Variants in CPLX4 observed in about 807,000 individuals in gnomAD.
CPLX4 encodes the protein complexin 4, also known as complexin-4.
A neutral mutation model predicts 16.1 loss-of-function variants in CPLX4; 17 were observed. The ratio of observed to expected loss-of-function variants is 1.06; its 90% CI spans 0.72 to 1.59. The LOEUF (loss-of-function observed/expected upper bound fraction) is 1.59. CPLX4 is among the 40% of genes most tolerant of loss of function. The pLI, the probability that CPLX4 is intolerant of heterozygous loss-of-function variation, is 0.00. For missense variants in CPLX4, 193 were observed against 192.9 expected (o/e 1.00, Z 0.00); for synonymous variants, 55 against 57.8 (o/e 0.95, Z 0.22).
chr18:59,311,293 A>G (rs149748194), intron 2 of CPLX4, among the ~76,000 whole-genome samples: 20 of 152,286 alleles, frequency 1.3e-4, no homozygotes, highest in Non-Finnish European at 2.6e-4. Context: ...TTCCAAGTTC[A>G]TTGGTTGTGA....
At chr18:59,296,975 CACTA>C (rs760726865) in intron 2 of CPLX4, 50 bp from the exon 3 acceptor site, 14 of 1,565,614 alleles carry the variant, frequency 8.9e-6, no homozygotes, top group Non-Finnish European at 1.2e-5. Context: ...ACTACTAACT[CACTA>C]ACTAAATAAA....
rs892826862 is a variant in CPLX4 at position 59,318,525 on chromosome 18, A to G, written c.-63T>C. On this transcript the variant is annotated 5_prime_UTR_variant, in exon 1 of 3. Coordinates refer to ENST00000299721, the MANE Select transcript of CPLX4 (RefSeq NM_181654.4). ...AAAAGCTGAAAAAAAAAATCCAAAC[A>G]AACCCAAGAGAAAACCTCCAAATAT... 3 of 1,545,582 alleles carry G rather than the reference A, an allele frequency of 1.9e-6. No homozygotes were observed. Among genetic ancestry groups the G allele is most frequent in the Non-Finnish European group, 2.6e-6 (3 of 1,154,460 alleles).
intron 2 of CPLX4, among the ~76,000 whole-genome samples, chr18:59,300,536 T>C (rs2144179627): frequency 6.6e-6 from 1 of 152,298 alleles, no homozygotes; most frequent in Admixed American, 6.5e-5. Flanking sequence ...GTGAGCACAT[T>C]AGTTCTACCA....
chr18:59,309,477 C>G (rs1420960507), intron 2 of CPLX4, among the ~76,000 whole-genome samples: 1 of 151,980 alleles, frequency 6.6e-6, no homozygotes, highest in African/African-American at 2.4e-5. Context: ...TTTTTTTAAG[C>G]CACGTGGAAT....
rs549483475 is a variant in CPLX4 at position 59,304,896 on chromosome 18, C to G, written c.255+7789G>C. ...GGCATTTTTCTTTCTTTTCTTTTTCCCCAATAACATCCATTTACTCAACAA... is the reference window on the plus strand; with the variant it reads ...GGCATTTTTCTTTCTTTTCTTTTTCGCCAATAACATCCATTTACTCAACAA... On this transcript the variant is annotated intron_variant, in intron 2 of 2. Transcript: ENST00000299721. 2.7e-5 allele frequency among the ~76,000 whole-genome samples: 4 copies of G among 150,400 alleles called. No homozygotes were observed. The East Asian group carries it at 7.8e-4, about 29-fold the overall frequency.
In CPLX4 at chr18:59,295,565, A is replaced by T. The variant is rs1339360029; in HGVS notation, c.*1133T>A. Reference sequence around the variant, plus strand: ...CTTTATTCACTGTATGAACAGAGTCACCAAAAAAAAAAAAAAAAATCAGTA... The same window carrying T: ...CTTTATTCACTGTATGAACAGAGTCTCCAAAAAAAAAAAAAAAAATCAGTA... On this transcript the variant is annotated 3_prime_UTR_variant, in exon 3 of 3. Transcript: ENST00000299721. The T allele has an allele frequency of 1.1e-5, 1 of 93,480 alleles. No homozygotes were observed. Among genetic ancestry groups the T allele is most frequent in the Admixed American group, 1.2e-4 (1 of 8,644 alleles). The allele number at this position is 93,480 out of a possible 1,614,324, so 5.8% of individuals were successfully genotyped here.
intron 2 of CPLX4, among the ~76,000 whole-genome samples, chr18:59,309,619 C>T (rs896813029): frequency 6.6e-6 from 1 of 151,842 alleles, no homozygotes; most frequent in Non-Finnish European, 1.5e-5. Context: ...GTCAGGAGAT[C>T]GAGACCATCC....
At chr18:59,315,694 T>C (rs961528491) in intron 1 of CPLX4, among the ~76,000 whole-genome samples, 7 of 152,210 alleles carry the variant, frequency 4.6e-5, no homozygotes, top group Non-Finnish European at 8.8e-5. Context: ...GTATGATGCA[T>C]GACAAATTAA....
intron 2 of CPLX4, among the ~76,000 whole-genome samples, chr18:59,301,309 A>G (rs1314802908): frequency 6.6e-6 from 1 of 152,146 alleles, no homozygotes; most frequent in Non-Finnish European, 1.5e-5. Context: ...GTGTGGCTAG[A>G]AGAGAGACCA....
chr18:59,308,323 A>C (rs1161904451), intron 2 of CPLX4, among the ~76,000 whole-genome samples: 1 of 152,032 alleles, frequency 6.6e-6, no homozygotes, highest in African/African-American at 2.4e-5. Flanking sequence ...CCCGCCCTCG[A>C]TTGCTGTCGT....
intron 2 of CPLX4, among the ~76,000 whole-genome samples, chr18:59,308,468 T>A: frequency 6.6e-6 from 1 of 151,976 alleles, no homozygotes. Flanking sequence ...GTAAGGCTTT[T>A]TTTTTTTCCT....
chr18:59,317,092 G>A (rs747778413), intron 1 of CPLX4, among the ~76,000 whole-genome samples: 7 of 152,086 alleles, frequency 4.6e-5, no homozygotes, highest in Non-Finnish European at 8.8e-5. Flanking sequence ...CAAGCATAAT[G>A]TATTCTAGGT....
At chr18:59,298,013 T>C (rs1012627804) in intron 2 of CPLX4, among the ~76,000 whole-genome samples, 1 of 152,208 alleles carries the variant, frequency 6.6e-6, no homozygotes, top group Non-Finnish European at 1.5e-5. Context: ...ACAAGCGCCT[T>C]GCACATTTCA....
intron 2 of CPLX4, among the ~76,000 whole-genome samples, chr18:59,311,717 T>C (rs1395113040): frequency 6.6e-6 from 1 of 152,160 alleles, no homozygotes; most frequent in Non-Finnish European, 1.5e-5. Context: ...AGACAGGTAG[T>C]GAAGGTGGAG....
chr18:59,300,994 A>G (rs982775952), intron 2 of CPLX4, among the ~76,000 whole-genome samples: 4 of 152,202 alleles, frequency 2.6e-5, no homozygotes, highest in African/African-American at 4.8e-5. Flanking sequence ...GTGGCAGAAC[A>G]TAAGTGCTGA....
intron 2 of CPLX4, among the ~76,000 whole-genome samples, chr18:59,310,292 G>C (rs1040950627): frequency 6.6e-5 from 10 of 152,114 alleles, no homozygotes; most frequent in African/African-American, 2.4e-4. Context: ...TCTCCAGAGA[G>C]GACCTGGATT....
chr18:59,315,693 A>C (rs1015392074), intron 1 of CPLX4, among the ~76,000 whole-genome samples: 1 of 152,192 alleles, frequency 6.6e-6, no homozygotes, highest in Admixed American at 6.5e-5. Flanking sequence ...TGTATGATGC[A>C]TGACAAATTA....
intron 2 of CPLX4, among the ~76,000 whole-genome samples, chr18:59,311,336 C>T (rs1431922618): frequency 6.6e-6 from 1 of 152,124 alleles, no homozygotes; most frequent in African/African-American, 2.4e-5. Flanking sequence ...TGTGGGTTTT[C>T]CTTCCCTTAT....
intron 2 of CPLX4, among the ~76,000 whole-genome samples, chr18:59,307,296 T>A (rs1212749030): frequency 6.6e-6 from 1 of 152,034 alleles, no homozygotes; most frequent in Non-Finnish European, 1.5e-5. Flanking sequence ...AAAAAATAAG[T>A]CTATTGAAAA....
Sources: allele counts gnomAD v4.1 joint callset (sites outside exome capture counted in the v4.1 genomes callset), GRCh38; gene constraint gnomAD v4.1.1; transcripts MANE v1.5; gene names NCBI Gene and HGNC (gene_info 2026-07-23, HGNC 2026-07-21).